Variants in AUTS2 observed in about 807,000 individuals in gnomAD.
The protein encoded by AUTS2 is activator of transcription and developmental regulator AUTS2, also known as autism susceptibility gene 2 protein.
Under a neutral mutation model 112.4 loss-of-function variants are expected in AUTS2, and 17 were observed. The ratio of observed to expected loss-of-function variants is 0.15; its 90% confidence interval spans 0.10 to 0.23. The LOEUF is 0.23. Ranked by LOEUF, AUTS2 falls within the 10% of genes least tolerant of loss-of-function variation. AUTS2 has a pLI of 1.00. For synonymous variants in AUTS2, 751 were observed against 702.7 expected (o/e 1.07, Z -1.09); for missense variants, 1,510 against 1,701.6 (o/e 0.89, Z 1.98).
chr7:70,572,947 C>T (rs1246136996), intron 5 of AUTS2, among the ~76,000 whole-genome samples: 2 of 152,172 alleles, frequency 1.3e-5, no homozygotes, highest in Non-Finnish European at 2.9e-5. Context: ...GAGACTAGAT[C>T]ATTTCATGAA....
intron 1 of AUTS2, among the ~76,000 whole-genome samples, chr7:69,631,982 A>C (rs1794265790): frequency 6.6e-6 from 1 of 152,132 alleles, no homozygotes; most frequent in Non-Finnish European, 1.5e-5. Context: ...GGGGAACAAA[A>C]ATTTTTCAAA....
intron 1 of AUTS2, among the ~76,000 whole-genome samples, chr7:69,877,576 C>G (rs1443959602): frequency 6.6e-6 from 1 of 152,056 alleles, no homozygotes; most frequent in Non-Finnish European, 1.5e-5. Flanking sequence ...AGGTACTAAG[C>G]ATAGTACCTG....
In AUTS2 at chr7:69,988,966, G is replaced by A. The variant is rs148571818; in HGVS notation, c.522+89468G>A. On this transcript the variant is annotated intron_variant, in intron 2 of 18. Transcript: ENST00000342771. The stretch of plus-strand genomic sequence containing the variant: ...TGAAGAAAAGTACAGATGGAAAGGG[G>A]CAGGAAAAAAGAAAGACAAGGAGAT... Among the ~76,000 whole-genome samples the A allele has an allele frequency of 2.5e-3, 388 of 152,268 alleles. 2 individuals are homozygous for A. The highest frequency in any genetic ancestry group is 3.9e-3 in the Non-Finnish European group (262 of 68,022).
At chr7:69,869,437 T>C in intron 1 of AUTS2, among the ~76,000 whole-genome samples, 1 of 152,138 alleles carries the variant, frequency 6.6e-6, no homozygotes, top group Non-Finnish European at 1.5e-5. Context: ...CTAAATATTT[T>C]ATATCACATA....
chr7:70,742,954 A>G (rs1034797122), intron 6 of AUTS2, among the ~76,000 whole-genome samples: 5 of 152,230 alleles, frequency 3.3e-5, no homozygotes, highest in Non-Finnish European at 1.5e-5. Flanking sequence ...TTACATGCAC[A>G]GTCACTTAGC....
chr7:69,630,102 C>G (rs2851497), intron 1 of AUTS2, among the ~76,000 whole-genome samples: 93,390 of 151,688 alleles, frequency 0.62, 29,049 homozygotes, highest in East Asian at 0.71. Flanking sequence ...TACTAAAATA[C>G]AAAAATTAGC....
At chr7:70,258,245 G>C (rs547876240) in intron 4 of AUTS2, among the ~76,000 whole-genome samples, 1 of 152,296 alleles carries the variant, frequency 6.6e-6, no homozygotes, top group East Asian at 1.9e-4. Flanking sequence ...TAGTTATGTT[G>C]AGCAGTAACA....
At chr7:69,846,411 C>G (rs2129529210) in intron 1 of AUTS2, among the ~76,000 whole-genome samples, 1 of 152,216 alleles carries the variant, frequency 6.6e-6, no homozygotes, top group African/African-American at 2.4e-5. Context: ...TTGTCATGTG[C>G]TTCCTTTACT....
chr7:70,184,590 G>C (rs1809499668), intron 4 of AUTS2, among the ~76,000 whole-genome samples: 1 of 152,204 alleles, frequency 6.6e-6, no homozygotes, highest in Non-Finnish European at 1.5e-5. Context: ...TAAATGAAAT[G>C]AGATCTTAAC....
chr7:69,761,831 T>C (rs1788197578), intron 1 of AUTS2, among the ~76,000 whole-genome samples: 2 of 152,236 alleles, frequency 1.3e-5, no homozygotes, highest in South Asian at 4.1e-4. Context: ...CTTGTCCTGC[T>C]GCCTCCCACT....
At chr7:70,701,767 AT>A (rs1489480622) in intron 6 of AUTS2, among the ~76,000 whole-genome samples, 1 of 152,210 alleles carries the variant, frequency 6.6e-6, no homozygotes, top group Non-Finnish European at 1.5e-5. Context: ...AATCAAGGTC[AT>A]AGTTGCCATA....
intron 4 of AUTS2, among the ~76,000 whole-genome samples, chr7:70,213,361 TAAAA>T (rs34904267): frequency 1.0e-5 from 1 of 97,440 alleles, no homozygotes; most frequent in African/African-American, 3.8e-5. Context: ...ACCCCCTTTC[TAAAA>T]AAAAAAAAAA....
chr7:69,771,122 C>A (rs918754559), intron 1 of AUTS2, among the ~76,000 whole-genome samples: 2 of 152,212 alleles, frequency 1.3e-5, no homozygotes, highest in Non-Finnish European at 2.9e-5. Context: ...CCCCTGGCCA[C>A]TGTGCACTCA....
intron 2 of AUTS2, among the ~76,000 whole-genome samples, chr7:69,908,539 T>A (rs747837470): frequency 4.6e-5 from 7 of 152,204 alleles, no homozygotes; most frequent in African/African-American, 1.7e-4. Flanking sequence ...GGGGACCACC[T>A]TATGTCTCTC....
intron 14 of AUTS2, among the ~76,000 whole-genome samples, chr7:70,777,504 T>C (rs933113076): frequency 6.6e-6 from 1 of 151,980 alleles, no homozygotes; most frequent in African/African-American, 2.4e-5. Context: ...AATTTCTTGA[T>C]TGTTGTTTTT....
At chr7:69,647,259 G>T (rs1795067327) in intron 1 of AUTS2, among the ~76,000 whole-genome samples, 1 of 151,988 alleles carries the variant, frequency 6.6e-6, no homozygotes, top group African/African-American at 2.4e-5. Flanking sequence ...AAACAAGAAG[G>T]TTATTCAGAG....
At chr7:70,541,013 C>G (rs571081300) in intron 5 of AUTS2, among the ~76,000 whole-genome samples, 3 of 152,182 alleles carry the variant, frequency 2.0e-5, no homozygotes, top group African/African-American at 7.2e-5. Context: ...GAAGTGAAGT[C>G]TGTTTCTGTT....
At chr7:69,830,626 A>G (rs1361068844) in intron 1 of AUTS2, among the ~76,000 whole-genome samples, 1 of 152,166 alleles carries the variant, frequency 6.6e-6, no homozygotes. Context: ...TTTCATTATA[A>G]CTGAGGAAGC....
intron 1 of AUTS2, among the ~76,000 whole-genome samples, chr7:69,847,984 G>T (rs1792285881): frequency 1.3e-5 from 2 of 152,192 alleles, no homozygotes; most frequent in Non-Finnish European, 2.9e-5. Flanking sequence ...TGGAGTAACA[G>T]TTGTTGGTGG....
Sources: gnomAD v4.1 joint callset for allele counts (sites outside exome capture counted in the v4.1 genomes callset) on GRCh38, gnomAD v4.1.1 for gene constraint, MANE v1.5 for transcripts, NCBI Gene and HGNC (gene_info 2026-07-23, HGNC 2026-07-21) for gene names.